DCLK2: variants seen among roughly 807,000 people sequenced by gnomAD.
DCLK2 encodes serine/threonine-protein kinase DCLK2.
Under a neutral mutation model 78.4 loss-of-function variants are expected in DCLK2, and 31 were observed. The observed-to-expected ratio is 0.40, with a 90% CI of 0.30 to 0.53. The LOEUF is 0.53. Among genes scored for constraint, DCLK2 ranks in the 20% least tolerant of loss-of-function variants. DCLK2 has a pLI of 0.61. For synonymous variants in DCLK2, 407 were observed against 374.9 expected (o/e 1.09, Z -0.99); for missense variants, 872 against 973.7 (o/e 0.90, Z 1.39).
chr4:150,256,085 T>C lies in DCLK2; in HGVS notation c.2139T>C (p.Pro713=), dbSNP rs1385969943. ...CSKHCQDSGR[P]GMEPISPVPP... is the part of the protein sequence containing the mutation. ...AGCACTGTCAAGACAGCGGCAGGCC[T>C]GGGATGGAGCCCATCTCTCCAGTTC... Residue 713 remains proline, a synonymous_variant, in exon 16 of 16, where the codon CCT becomes CCC. Coordinates refer to ENST00000296550, the MANE Select transcript of DCLK2 (RefSeq NM_001040260.4). 6.2e-7 allele frequency: 1 copy of C among 1,612,674 alleles called. No individual in the cohort carries two copies. Among genetic ancestry groups the C allele is most frequent in the Non-Finnish European group, 8.5e-7 (1 of 1,179,836 alleles).
chr4:150,234,937 C>T (rs1348367357), intron 10 of DCLK2, among the ~76,000 whole-genome samples: 1 of 152,128 alleles, frequency 6.6e-6, no homozygotes, highest in Non-Finnish European at 1.5e-5. Context: ...TGAGTTTGGC[C>T]CGGGCTTCGC....
At chr4:150,163,175 A>G (rs1047670893) in intron 2 of DCLK2, among the ~76,000 whole-genome samples, 31 of 152,246 alleles carry the variant, frequency 2.0e-4, no homozygotes, top group African/African-American at 7.2e-4. Flanking sequence ...AGACAGGCAG[A>G]TCTCCTGAGG....
intron 10 of DCLK2, among the ~76,000 whole-genome samples, chr4:150,234,624 T>C (rs976243554): frequency 2.0e-5 from 3 of 152,344 alleles, no homozygotes; most frequent in Admixed American, 2.0e-4. Context: ...TTTGGTAATA[T>C]CATTTGATGA....
rs761382874 is a variant in DCLK2 at position 150,193,171 on chromosome 4, G to A, written c.790G>A (p.Asp264Asn). The A allele has an allele frequency of 5.6e-6, 9 of 1,609,734 alleles. No individual in the cohort carries two copies. Among genetic ancestry groups the A allele is most frequent in the Admixed American group, 5.0e-5 (3 of 59,920 alleles). The change falls in exon 3 of 16, where the codon GAT (aspartate) becomes AAT (asparagine). Residue 264 changes from aspartate (D) to asparagine (N), a missense_variant. This residue lies in a region of DCLK2 where 567 missense variants were observed against 593.4 expected (regional missense o/e 0.96). Transcript: ENST00000296550. ...TCTGCAAGACTTTTTTGGTGATGAC[G>A]ATGTTTTTATTGCATGTGGACCAGA... ...TCLQDFFGDDDVFIACGPEKF... is the reference protein window; with the variant it reads ...TCLQDFFGDDNVFIACGPEKF...
intron 10 of DCLK2, among the ~76,000 whole-genome samples, chr4:150,238,956 A>C (rs570798717): frequency 6.6e-6 from 1 of 152,150 alleles, no homozygotes; most frequent in Non-Finnish European, 1.5e-5. Context: ...GCTGCCCCCA[A>C]TTTTATTTTC....
Position 150,079,522 on chromosome 4 carries a change from G to C in DCLK2, c.421+74G>C, listed in dbSNP as rs560336687. 7.1e-5 allele frequency: 99 copies of C among 1,391,492 alleles called. No individual in the cohort carries two copies. The African/African-American group carries it at 1.2e-3, about 17-fold the overall frequency. The allele number at this position is 1,391,492 out of a possible 1,614,324, so 86.2% of individuals were successfully genotyped here. A position where few individuals can be genotyped will look rare whatever the true frequency, so the allele number is the denominator to read the frequency against. ...TGCAGTGGGCGTGAGCCGGCGCAGCGGGGAGCCCGCGGGGTGCTTTCCAAG... is the reference window on the plus strand; with the variant it reads ...TGCAGTGGGCGTGAGCCGGCGCAGCCGGGAGCCCGCGGGGTGCTTTCCAAG... On this transcript the variant is annotated intron_variant, in intron 1 of 15. Transcript: ENST00000296550.
chr4:150,171,659 T>C (rs1736539656), intron 2 of DCLK2, among the ~76,000 whole-genome samples: 1 of 152,182 alleles, frequency 6.6e-6, no homozygotes, highest in Admixed American at 6.5e-5. Flanking sequence ...TGAGTTGAAC[T>C]CAACCTTGAG....
intron 2 of DCLK2, among the ~76,000 whole-genome samples, chr4:150,172,769 G>A (rs1218583958): frequency 2.1e-5 from 3 of 145,676 alleles, no homozygotes; most frequent in South Asian, 2.3e-4. Flanking sequence ...TTGGGGGGGG[G>A]GGGGATACCT....
Position 150,175,011 on chromosome 4 carries a change from A to AAAT in DCLK2, c.757-18126_757-18125insATA, listed in dbSNP as rs1454035697. 7.4e-3 allele frequency among the ~76,000 whole-genome samples: 74 copies of AAAT among 9,976 alleles called. 20 individuals carry two copies. The highest frequency in any genetic ancestry group is 0.019 in the African/African-American group (72 of 3,794). 6.5% of individuals were successfully genotyped at this position (9,976 alleles called of 152,430 possible). Reference sequence around the variant, plus strand: ...AGACTCCGTCGCAAAAAAAAAAAAAAATATATATATATATATATATATTTA... The same window carrying AAAT: ...AGACTCCGTCGCAAAAAAAAAAAAAAAATATATATATATATATATATATATTTA... On this transcript the variant is annotated intron_variant, in intron 2 of 15. Transcript: ENST00000296550.
intron 3 of DCLK2, among the ~76,000 whole-genome samples, chr4:150,194,022 G>GACACACAC (rs58179559): frequency 0.021 from 2,781 of 133,788 alleles, 68 homozygotes; most frequent in South Asian, 0.069. Flanking sequence ...AAAGTGCTGG[G>GACACACAC]ACACACACAC....
chr4:150,093,985 G>A (rs144484840), intron 1 of DCLK2, among the ~76,000 whole-genome samples: 1 of 152,268 alleles, frequency 6.6e-6, no homozygotes, highest in African/African-American at 2.4e-5. Context: ...TCAACAAATG[G>A]TGTTGGGAAA....
At chr4:150,087,801 C>G (rs1332957231) in intron 1 of DCLK2, among the ~76,000 whole-genome samples, 1 of 152,114 alleles carries the variant, frequency 6.6e-6, no homozygotes, top group African/African-American at 2.4e-5. Context: ...CCAGGTAGGT[C>G]AAATCATTTC....
At chr4:150,209,223 C>T (rs1740107164) in intron 5 of DCLK2, among the ~76,000 whole-genome samples, 1 of 152,224 alleles carries the variant, frequency 6.6e-6, no homozygotes, top group Non-Finnish European at 1.5e-5. Context: ...CTTGGCTTTG[C>T]TTCTGTTTGG....
chr4:150,121,143 TGTTG>T (rs1245534257), intron 2 of DCLK2, among the ~76,000 whole-genome samples: 1 of 135,630 alleles, frequency 7.4e-6, no homozygotes, highest in Non-Finnish European at 1.6e-5. Flanking sequence ...CTTGCCTTGA[TGTTG>T]GTGGCTGCTG....
In DCLK2 at chr4:150,247,625, C is replaced by G; in HGVS notation, c.1801C>G (p.Leu601Val). ...TAGTGAGAACAATCTCCAGGAAGATCTCTTCGACCAGATCTTGGCTGGGAA... is the reference window on the plus strand; with the variant it reads ...TAGTGAGAACAATCTCCAGGAAGATGTCTTCGACCAGATCTTGGCTGGGAA... ...FRSENNLQED[L>V]FDQILAGKLE... Residue 601 changes from leucine to valine, a missense_variant, in exon 13 of 16, where the codon CTC (leucine) becomes GTC (valine). Leu to Val is a conservative substitution (Grantham distance 32). Coordinates refer to ENST00000296550, the MANE Select transcript of DCLK2 (RefSeq NM_001040260.4). 1.2e-6 allele frequency: 2 copies of G among 1,614,048 alleles called. No homozygotes were observed. Among genetic ancestry groups the G allele is most frequent in the Non-Finnish European group, 1.7e-6 (2 of 1,179,982 alleles).
rs1474559726 is a variant in DCLK2, at chr4:150,219,762, TTAAG to T, written c.1057-937_1057-934del. ...GGGAGAAAATGAAGACTTGGAAAGTTTAAGTAACTTTTGAAAGATAAAAGCAAAT... is the reference window on the plus strand; with the variant it reads ...GGGAGAAAATGAAGACTTGGAAAGTTTAACTTTTGAAAGATAAAAGCAAAT... On this transcript the variant is annotated intron_variant, in intron 5 of 15. Coordinates refer to ENST00000296550, the MANE Select transcript of DCLK2 (RefSeq NM_001040260.4). Among the ~76,000 whole-genome samples the T allele has an allele frequency of 1.2e-3, 176 of 152,330 alleles. 1 individual carries two copies. The highest frequency in any genetic ancestry group is 4.1e-3 in the African/African-American group (169 of 41,570).
chr4:150,188,501 G>A (rs1478867126), intron 2 of DCLK2, among the ~76,000 whole-genome samples: 4 of 152,026 alleles, frequency 2.6e-5, no homozygotes, highest in Non-Finnish European at 5.9e-5. Context: ...AACCAAATAG[G>A]CATTCAGTGA....
intron 1 of DCLK2, among the ~76,000 whole-genome samples, chr4:150,094,640 G>C (rs1730332998): frequency 6.6e-6 from 1 of 152,200 alleles, no homozygotes; most frequent in African/African-American, 2.4e-5. Flanking sequence ...TAAGTAAACT[G>C]TAACACTATG....
chr4:150,256,155 G>GGGGCC lies in DCLK2; in HGVS notation c.2209_2210insGGGCC (p.Ala737GlyfsTer165). On this transcript the variant is annotated frameshift_variant, in exon 16 of 16. Coordinates refer to ENST00000296550, the MANE Select transcript of DCLK2 (RefSeq NM_001040260.4). LOFTEE classifies it high-confidence loss of function. The stretch of plus-strand genomic sequence containing the variant: ...CCCTGTGCCTGGGGAAGCAGTCCCG[G>GGGGCC]CCCCCACCCCTCCGGAATCTCCCAC... The GGGGCC allele has an allele frequency of 6.3e-7, 1 of 1,593,392 alleles. No homozygotes were observed. Among genetic ancestry groups the GGGGCC allele is most frequent in the Non-Finnish European group, 8.5e-7 (1 of 1,171,408 alleles).
Sources: allele counts gnomAD v4.1 joint callset (sites outside exome capture counted in the v4.1 genomes callset), GRCh38; gene constraint gnomAD v4.1.1; regional missense constraint gnomAD v4.1.1; transcripts MANE v1.5; gene names NCBI Gene and HGNC (gene_info 2026-07-23, HGNC 2026-07-21).